The following SIPA1L1 variants were observed in gnomAD, a reference collection of about 807,000 sequenced individuals.
SIPA1L1 encodes the protein signal-induced proliferation-associated 1-like protein 1.
A neutral mutation model predicts 162.7 loss-of-function variants in SIPA1L1; 26 were observed. That is an observed-to-expected ratio of 0.16 (90% CI 0.12 to 0.22). The LOEUF is 0.22. Ranked by LOEUF, SIPA1L1 falls within the 10% of genes least tolerant of loss-of-function variation. The probability of loss-of-function intolerance (pLI) is 1.00; values close to 1 mark genes in which losing one functional copy is unlikely to be tolerated. For synonymous variants in SIPA1L1, 829 were observed against 837.4 expected, an observed-to-expected ratio of 0.99 and a Z score of 0.17; for missense variants, 1,874 against 2,241.0, an observed-to-expected ratio of 0.84 and a Z score of 3.31.
At chr14:71,543,851 T>C (rs530857234) in intron 4 of SIPA1L1, among the ~76,000 whole-genome samples, 1 of 144,338 alleles carries the variant, frequency 6.9e-6, no homozygotes, top group East Asian at 2.0e-4. Flanking sequence ...TGTATGTGTA[T>C]ATATACATAT....
At chr14:71,560,663 G>A (rs1397893869) in intron 4 of SIPA1L1, among the ~76,000 whole-genome samples, 2 of 152,146 alleles carry the variant, frequency 1.3e-5, no homozygotes, top group African/African-American at 4.8e-5. Flanking sequence ...TATCTTCTAG[G>A]ACACACCAAG....
intron 5 of SIPA1L1, among the ~76,000 whole-genome samples, chr14:71,604,011 T>C (rs974064447): frequency 7.1e-6 from 1 of 140,862 alleles, no homozygotes; most frequent in Admixed American, 7.0e-5. Flanking sequence ...ATTTTTTTTT[T>C]TTTGAGACAA....
chr14:71,569,943 GCTGA>G (rs1043785025), intron 4 of SIPA1L1, among the ~76,000 whole-genome samples: 1 of 152,198 alleles, frequency 6.6e-6, no homozygotes, highest in Non-Finnish European at 1.5e-5. Context: ...TGGCTGAGGG[GCTGA>G]CTGTGTGTCT....
At chr14:71,648,230 C>T (rs978234719) in intron 7 of SIPA1L1, among the ~76,000 whole-genome samples, 2 of 152,144 alleles carry the variant, frequency 1.3e-5, no homozygotes, top group Non-Finnish European at 2.9e-5. Context: ...GCGGAGGTTG[C>T]AGTGAGCCAA....
intron 2 of SIPA1L1, among the ~76,000 whole-genome samples, chr14:71,490,510 A>G (rs1436021721): frequency 6.6e-6 from 1 of 152,200 alleles, no homozygotes; most frequent in Non-Finnish European, 1.5e-5. Context: ...AAAAAAGAAA[A>G]TGTGGGTTTT....
In SIPA1L1 at chr14:71,735,343, G is replaced by A. The variant is rs1299932392; in HGVS notation, c.5075G>A (p.Ser1692Asn). Reference protein sequence around the residue: ...NHRPLSAASNSDQLEDQALAQ... With the variant: ...NHRPLSAASNNDQLEDQALAQ... The stretch of plus-strand genomic sequence containing the variant: ...CGCCCCTTGAGTGCTGCATCCAACA[G>A]TGATCAGCTGGAGGACCAGGCTCTG... Residue 1692 changes from serine to asparagine, a missense_variant, in exon 22 of 24, where the codon AGT becomes AAT. By Grantham distance (46) the Ser-to-Asn change is conservative. Around this residue, in one of 5 missense-constraint regions of SIPA1L1, gnomAD observed 936 missense variants for 1,051.9 expected, o/e 0.89. Coordinates refer to ENST00000381232, the MANE Select transcript of SIPA1L1 (RefSeq NM_001386936.1). 6.2e-7 allele frequency: 1 copy of A among 1,614,186 alleles called. No homozygotes were observed. The highest frequency in any genetic ancestry group is 1.3e-5 in the African/African-American group (1 of 75,044).
chr14:71,618,310 A>G (rs1023038839), intron 5 of SIPA1L1, among the ~76,000 whole-genome samples: 1 of 152,164 alleles, frequency 6.6e-6, no homozygotes, highest in Non-Finnish European at 1.5e-5. Flanking sequence ...TCTCTCTCCA[A>G]TCCAGGGACA....
At chr14:71,647,741 GAGACC>G (rs1388579004) in intron 7 of SIPA1L1, among the ~76,000 whole-genome samples, 2 of 152,052 alleles carry the variant, frequency 1.3e-5, no homozygotes, top group Admixed American at 6.6e-5. Flanking sequence ...TTTATTTGTT[GAGACC>G]TAATAGGGTA....
At chr14:71,545,253 G>A (rs904795829) in intron 4 of SIPA1L1, among the ~76,000 whole-genome samples, 22 of 151,938 alleles carry the variant, frequency 1.4e-4, no homozygotes, top group African/African-American at 5.3e-4. Flanking sequence ...ATAAATAAAA[G>A]CCAATTAGAT....
intron 2 of SIPA1L1, among the ~76,000 whole-genome samples, chr14:71,491,360 C>G (rs1399124304): frequency 6.6e-6 from 1 of 152,162 alleles, no homozygotes; most frequent in African/African-American, 2.4e-5. Context: ...TTCTATGTGT[C>G]AGGCCTAGGT....
intron 8 of SIPA1L1, among the ~76,000 whole-genome samples, chr14:71,654,802 T>C (rs1250572808): frequency 6.6e-6 from 1 of 152,150 alleles, no homozygotes; most frequent in Non-Finnish European, 1.5e-5. Context: ...CCCTTTAGAG[T>C]TGCTCAATAC....
intron 4 of SIPA1L1, among the ~76,000 whole-genome samples, chr14:71,549,533 C>T (rs1297938158): frequency 2.6e-5 from 4 of 152,162 alleles, no homozygotes; most frequent in Non-Finnish European, 5.9e-5. Flanking sequence ...CAGCTGCAAA[C>T]ATCTCGTATT....
intron 2 of SIPA1L1, among the ~76,000 whole-genome samples, chr14:71,428,704 C>T (rs1333064704): frequency 6.6e-6 from 1 of 152,152 alleles, no homozygotes; most frequent in Non-Finnish European, 1.5e-5. Context: ...ACAACAGTGG[C>T]CTCTTTGCAC....
At chr14:71,615,780 G>T (rs11845195) in intron 5 of SIPA1L1, among the ~76,000 whole-genome samples, 2 of 152,192 alleles carry the variant, frequency 1.3e-5, no homozygotes, top group East Asian at 3.8e-4. Flanking sequence ...GCCAAGGCGG[G>T]CAGATCACTT....
chr14:71,573,395 T>C, intron 4 of SIPA1L1: 1 of 361,636 alleles, frequency 2.8e-6, no homozygotes, highest in Non-Finnish European at 5.5e-6. Flanking sequence ...TAAGATGCAG[T>C]TCCTGGCCTG....
chr14:71,571,512 G>T (rs373056713), intron 4 of SIPA1L1, among the ~76,000 whole-genome samples: 1 of 152,080 alleles, frequency 6.6e-6, no homozygotes, highest in East Asian at 1.9e-4. Context: ...AAAAAAACTG[G>T]AATCAGACTA....
intron 14 of SIPA1L1, among the ~76,000 whole-genome samples, chr14:71,700,307 G>A (rs1462701892): frequency 6.6e-6 from 1 of 151,682 alleles, no homozygotes; most frequent in Non-Finnish European, 1.5e-5. Context: ...TAAGGCAGGA[G>A]AAGATCCGTG....
At position 71,444,734 on chromosome 14, in the gene SIPA1L1, T is replaced by C. The variant is rs1024741274; in HGVS notation, c.-464-68009T>C. 9.2e-5 allele frequency among the ~76,000 whole-genome samples: 14 copies of C among 152,306 alleles called. No individual in the cohort carries two copies. In the East Asian group the frequency reaches 2.7e-3, roughly 29 times the overall value. On this transcript the variant is annotated intron_variant, in intron 2 of 23. Transcript: ENST00000381232. The stretch of plus-strand genomic sequence containing the variant: ...GTAGGTGTCTGCTGCTCCCTCTTAT[T>C]GGCACTGAGAGAACATAGTTGGACC...
chr14:71,518,427 T>C (rs932362210), intron 3 of SIPA1L1, among the ~76,000 whole-genome samples: 3 of 152,200 alleles, frequency 2.0e-5, no homozygotes, highest in Non-Finnish European at 2.9e-5. Context: ...ATTAAATAAT[T>C]CAACCTTTCT....
Sources: allele counts gnomAD v4.1 joint callset (sites outside exome capture counted in the v4.1 genomes callset), GRCh38; gene constraint gnomAD v4.1.1; regional missense constraint gnomAD v4.1.1; transcripts MANE v1.5; gene names NCBI Gene and HGNC (gene_info 2026-07-23, HGNC 2026-07-21).